Variants in MPHOSPH9 observed in about 807,000 individuals in gnomAD.
MPHOSPH9 encodes M-phase phosphoprotein 9.
A neutral mutation model predicts 145.5 loss-of-function variants in MPHOSPH9; 88 were observed. That is an observed-to-expected ratio of 0.60 (90% confidence interval 0.51 to 0.72). The LOEUF is 0.72. Ranked by LOEUF, MPHOSPH9 falls within the 30% of genes least tolerant of loss-of-function variation. MPHOSPH9 has a pLI of 0.00. For missense variants in MPHOSPH9, 1,238 were observed against 1,386.6 expected, an observed-to-expected ratio of 0.89 and a Z score of 1.70; for synonymous variants, 435 against 486.2, an observed-to-expected ratio of 0.89 and a Z score of 1.39.
At chr12:123,218,923 G>C (rs1428146698) in intron 5 of MPHOSPH9, among the ~76,000 whole-genome samples, 2 of 151,032 alleles carry the variant, frequency 1.3e-5, no homozygotes. Context: ...GTTTTTTAGA[G>C]ACCCTCTCTG....
At chr12:123,231,951 TC>T (rs1383405143) in intron 1 of MPHOSPH9, among the ~76,000 whole-genome samples, 2 of 142,328 alleles carry the variant, frequency 1.4e-5, no homozygotes, top group Non-Finnish European at 3.1e-5. Context: ...TCTGCTAGAT[TC>T]CCACTTTCTA....
chr12:123,225,238 G>GCAAAA (rs2047387052), intron 3 of MPHOSPH9, among the ~76,000 whole-genome samples: 2 of 138,152 alleles, frequency 1.4e-5, no homozygotes, highest in Non-Finnish European at 1.6e-5. Flanking sequence ...GAGTTCATGA[G>GCAAAA]TTCAAGACTA....
chr12:123,221,996 T>C (rs988212152), intron 4 of MPHOSPH9, 101 bp from the exon 5 acceptor site: 1 of 722,246 alleles, frequency 1.4e-6, no homozygotes, highest in Non-Finnish European at 2.2e-6. Context: ...GATGAGATAT[T>C]ATTCTAAAGA....
At chr12:123,225,904 C>T (rs1387471576) in intron 3 of MPHOSPH9, among the ~76,000 whole-genome samples, 1 of 152,108 alleles carries the variant, frequency 6.6e-6, no homozygotes, top group Non-Finnish European at 1.5e-5. Flanking sequence ...GGCATGGTGG[C>T]GCTCGCCTGT....
chr12:123,175,243 C>T (rs891821106), intron 16 of MPHOSPH9, among the ~76,000 whole-genome samples: 6 of 151,970 alleles, frequency 3.9e-5, no homozygotes, highest in Admixed American at 6.6e-5. Flanking sequence ...CTCCGCCTCC[C>T]GGGTTCACAC....
chr12:123,162,306 A>C, intron 20 of MPHOSPH9, 88 bp from the exon 21 acceptor site: 1 of 566,182 alleles, frequency 1.8e-6, no homozygotes, highest in African/African-American at 1.9e-5. Flanking sequence ...GCATCCAGCT[A>C]ACTCACATAT....
Position 123,202,295 on chromosome 12 carries a change from C to A in MPHOSPH9, c.1806G>T (p.Lys602Asn). 6.2e-7 allele frequency: 1 copy of A among 1,607,068 alleles called. No individual in the cohort carries two copies. Among genetic ancestry groups the A allele is most frequent in the South Asian group, 1.1e-5 (1 of 88,970 alleles). ...GAAGATCTGCTATGTGTCGAGCATG[C>A]TTTTCCTTCAGATTCTGCCTAATCC... ...LSKIRQNLKE[K>N]HARHIADLRA... is the part of the protein sequence containing the mutation. The change falls in exon 11 of 24, where the codon AAG becomes AAT. Residue 602 changes from lysine to asparagine, a missense_variant. Physicochemically the swap from Lys to Asn is moderately conservative, Grantham distance 94. Transcript: ENST00000606320.
intron 16 of MPHOSPH9, among the ~76,000 whole-genome samples, chr12:123,172,759 G>A (rs2044641707): frequency 6.6e-6 from 1 of 152,066 alleles, no homozygotes; most frequent in East Asian, 1.9e-4. Flanking sequence ...CCCACAGGCT[G>A]GGGTCTGCCA....
At chr12:123,223,734 T>C (rs1271896426) in intron 3 of MPHOSPH9, among the ~76,000 whole-genome samples, 1 of 152,094 alleles carries the variant, frequency 6.6e-6, no homozygotes, top group Non-Finnish European at 1.5e-5. Context: ...ATTTCCTTCA[T>C]AGTATTTGCC....
intron 1 of MPHOSPH9, among the ~76,000 whole-genome samples, chr12:123,231,691 C>A (rs1385657159): frequency 1.3e-5 from 2 of 151,816 alleles, no homozygotes; most frequent in East Asian, 3.9e-4. Flanking sequence ...ACCAAGACCC[C>A]ATCTCTTAAA....
rs771435768 is a variant in MPHOSPH9 at position 123,163,968 on chromosome 12, G to T, written c.2890C>A (p.Arg964Ser). The T allele has an allele frequency of 1.2e-6, 2 of 1,613,930 alleles. No individual in the cohort carries two copies. The highest frequency in any genetic ancestry group is 1.1e-5 in the South Asian group (1 of 91,072). The change falls in exon 19 of 24, where the codon CGT becomes AGT. Residue 964 changes from arginine (R) to serine (S), a missense_variant. This residue lies in a region of MPHOSPH9 where 393 missense variants were observed against 462.5 expected (regional missense o/e 0.85). Transcript: ENST00000606320. ...CTCTTACTTGGAGTACTTGATTTAC[G>T]ATTTGAAGGTGGTAAAGATGATGAT... ...QRSSSLPPSN[R>S]KSSTPTKREI...
chr12:123,225,575 G>A (rs2047409891), intron 3 of MPHOSPH9, among the ~76,000 whole-genome samples: 1 of 145,668 alleles, frequency 6.9e-6, no homozygotes, highest in Non-Finnish European at 1.5e-5. Flanking sequence ...GGAGAGGTGG[G>A]GCAGGGAATA....
upstream of MPHOSPH9, among the ~76,000 whole-genome samples, chr12:123,235,093 G>A (rs1193763905): frequency 6.6e-6 from 1 of 152,178 alleles, no homozygotes; most frequent in Non-Finnish European, 1.5e-5. Flanking sequence ...AGTGTATGTG[G>A]TGTGTCATTC....
intron 16 of MPHOSPH9, among the ~76,000 whole-genome samples, chr12:123,173,921 T>C (rs2044707234): frequency 6.6e-6 from 1 of 152,132 alleles, no homozygotes; most frequent in South Asian, 2.1e-4. Context: ...TTGAAGCCAG[T>C]TGGTTAGACG....
intron 16 of MPHOSPH9, among the ~76,000 whole-genome samples, chr12:123,167,481 C>T (rs2044368325): frequency 6.6e-6 from 1 of 152,176 alleles, no homozygotes; most frequent in African/African-American, 2.4e-5. Context: ...GATGTCTCCA[C>T]CACTGAGCTA....
intron 23 of MPHOSPH9, among the ~76,000 whole-genome samples, chr12:123,157,641 T>C (rs2043926870): frequency 6.6e-6 from 1 of 151,956 alleles, no homozygotes; most frequent in African/African-American, 2.4e-5. Flanking sequence ...CCACCACACC[T>C]GGCTGATTTT....
chr12:123,192,584 G>A (rs371070175), intron 13 of MPHOSPH9, among the ~76,000 whole-genome samples: 11 of 118,430 alleles, frequency 9.3e-5, no homozygotes, highest in East Asian at 2.9e-4. Context: ...AGCTGTGATC[G>A]CACCACTGCA....
At chr12:123,166,423 T>C in intron 17 of MPHOSPH9, 1 of 539,946 alleles carries the variant, frequency 1.9e-6, no homozygotes, top group Non-Finnish European at 3.2e-6. Flanking sequence ...CGACATCCTA[T>C]CCTAATCACA....
At chr12:123,234,551 A>G (rs2047805273), upstream of MPHOSPH9, among the ~76,000 whole-genome samples, 1 of 152,076 alleles carries the variant, frequency 6.6e-6, no homozygotes, top group Non-Finnish European at 1.5e-5. Context: ...GCCCGCCACC[A>G]CATCCGGCTA....
Sources: gnomAD v4.1 joint callset for allele counts (sites outside exome capture counted in the v4.1 genomes callset) on GRCh38, gnomAD v4.1.1 for gene constraint, gnomAD v4.1.1 regional missense constraint, MANE v1.5 for transcripts, NCBI Gene and HGNC (gene_info 2026-07-23, HGNC 2026-07-21) for gene names.